The following UBE2W variants were observed in gnomAD, a reference collection of about 807,000 sequenced individuals.
The protein encoded by UBE2W is ubiquitin conjugating enzyme E2 W, also known as ubiquitin-conjugating enzyme E2 W.
In UBE2W, 18 loss-of-function variants were observed where a neutral mutation model predicts 27.2. The observed-to-expected ratio is 0.66, with a 90% CI of 0.46 to 0.98. The LOEUF is 0.98. Among genes scored for constraint, UBE2W ranks in the 50% least tolerant of loss-of-function variants. UBE2W has a pLI of 0.00. For synonymous variants in UBE2W, 53 were observed against 57.2 expected (o/e 0.93, Z 0.33); for missense variants, 90 against 180.2 (o/e 0.50, Z 2.87).
At chr8:73,820,002 TG>T (rs1187964803) in intron 3 of UBE2W, among the ~76,000 whole-genome samples, 2 of 152,200 alleles carry the variant, frequency 1.3e-5, no homozygotes, top group Admixed American at 1.3e-4. Context: ...TTATTAGAGA[TG>T]GGGTTGCCCT....
At chr8:73,812,094 C>A (rs1165964603) in intron 3 of UBE2W, among the ~76,000 whole-genome samples, 2 of 151,882 alleles carry the variant, frequency 1.3e-5, no homozygotes, top group African/African-American at 4.8e-5. Context: ...ATATGGGACA[C>A]ATTTCCTTGG....
intron 4 of UBE2W, among the ~76,000 whole-genome samples, chr8:73,808,659 G>A (rs1210505984): frequency 2.6e-5 from 4 of 152,158 alleles, no homozygotes; most frequent in African/African-American, 9.7e-5. Flanking sequence ...GCACATACTA[G>A]GTACCTAGTA....
At chr8:73,865,571 T>G (rs1811719266) in intron 1 of UBE2W, among the ~76,000 whole-genome samples, 1 of 152,224 alleles carries the variant, frequency 6.6e-6, no homozygotes, top group East Asian at 1.9e-4. Flanking sequence ...GTGACGGCAC[T>G]ACTGCATACC....
chr8:73,840,356 A>G lies in UBE2W; in HGVS notation c.16-9884T>C, dbSNP rs145065633. ...CAAGCATGAGACACCACATCCAGCC[A>G]AAGCTCATTCATTTCTAAATTAGTC... On this transcript the variant is annotated intron_variant, in intron 1 of 5. Coordinates refer to ENST00000602593, the MANE Select transcript of UBE2W (RefSeq NM_018299.6). Among the ~76,000 whole-genome samples, 167 of 152,312 alleles carry G rather than the reference A, an allele frequency of 1.1e-3. 1 individual carries two copies. Among genetic ancestry groups the G allele is most frequent in the African/African-American group, 3.7e-3 (154 of 41,586 alleles).
chr8:73,850,656 T>C (rs6989720), intron 1 of UBE2W, among the ~76,000 whole-genome samples: 16,753 of 140,576 alleles, frequency 0.12, 3,096 homozygotes, highest in African/African-American at 0.4. Flanking sequence ...AATAAAGGAT[T>C]ACAAACATAA....
At chr8:73,845,038 A>G (rs200305099) in intron 1 of UBE2W, among the ~76,000 whole-genome samples, 1,202 of 15,502 alleles carry the variant, frequency 0.078, 23 homozygotes, top group African/African-American at 0.16. Context: ...CCGGCCAGCC[A>G]CCCCATCCGG....
At chr8:73,832,003 G>A (rs1275799509) in intron 1 of UBE2W, 1 of 151,894 alleles carries the variant, frequency 6.6e-6, no homozygotes, top group African/African-American at 2.4e-5. Context: ...ACGTGTGGTG[G>A]CTCATGAATA....
chr8:73,823,286 A>G (rs142919861), intron 3 of UBE2W, among the ~76,000 whole-genome samples: 34 of 152,360 alleles, frequency 2.2e-4, no homozygotes, highest in African/African-American at 7.9e-4. Context: ...AATTCAACAT[A>G]ATGTTTAAGT....
chr8:73,832,186 A>G (rs925104205), intron 1 of UBE2W, among the ~76,000 whole-genome samples: 8 of 151,434 alleles, frequency 5.3e-5, no homozygotes, highest in Non-Finnish European at 1.0e-4. Context: ...CTGTACTCCC[A>G]GGTACTTCAG....
chr8:73,801,394 T>C (rs548258052), intron 5 of UBE2W, among the ~76,000 whole-genome samples: 1 of 152,320 alleles, frequency 6.6e-6, no homozygotes, highest in South Asian at 2.1e-4. Context: ...AGGGTTGTAC[T>C]TTAAAAAATG....
intron 5 of UBE2W, among the ~76,000 whole-genome samples, chr8:73,799,782 CT>C (rs1808562480): frequency 6.6e-6 from 1 of 152,126 alleles, no homozygotes; most frequent in African/African-American, 2.4e-5. Context: ...TCTTAGTAAG[CT>C]TTTGTTCAGT....
At chr8:73,869,894 G>A (rs1811929295) in intron 1 of UBE2W, among the ~76,000 whole-genome samples, 1 of 152,038 alleles carries the variant, frequency 6.6e-6, no homozygotes, top group South Asian at 2.1e-4. Context: ...AGTGAAAGAA[G>A]CCAGGCACAA....
intron 3 of UBE2W, among the ~76,000 whole-genome samples, chr8:73,820,753 AAAC>A (rs921346831): frequency 0.048 from 52 of 1,090 alleles, 1 homozygote; most frequent in East Asian, 0.43. Flanking sequence ...AAAAAATAAA[AAAC>A]AAACAAACAA....
intron 3 of UBE2W, among the ~76,000 whole-genome samples, chr8:73,818,339 C>T (rs1809476169): frequency 2.0e-5 from 3 of 152,180 alleles, no homozygotes; most frequent in Admixed American, 2.0e-4. Flanking sequence ...TGCAAGTCAC[C>T]ATCATCTCTC....
chr8:73,855,394 C>CT (rs66577299), intron 1 of UBE2W, among the ~76,000 whole-genome samples: 2,169 of 84,642 alleles, frequency 0.026, 68 homozygotes, highest in East Asian at 0.041. Flanking sequence ...ATTCTACTTT[C>CT]TTTTTTTTTT....
chr8:73,793,863 G>C lies in UBE2W; in HGVS notation c.*239C>G, dbSNP rs768472897. On this transcript the variant is annotated 3_prime_UTR_variant, in exon 6 of 6. Coordinates refer to ENST00000602593, the MANE Select transcript of UBE2W (RefSeq NM_018299.6). ...AAAAATAAAAAATGGAATTATATTT[G>C]ACATTTCCTGACACCTGCATTAATA... 85 of 1,245,408 alleles carry C rather than the reference G, an allele frequency of 6.8e-5. No individual in the cohort carries two copies. Among genetic ancestry groups the C allele is most frequent in the Non-Finnish European group, 8.4e-5 (83 of 987,582 alleles). The allele number at this position is 1,245,408 out of a possible 1,614,324, so 77.1% of individuals were successfully genotyped here.
chr8:73,806,718 AAACAG>A (rs916169286), intron 4 of UBE2W, among the ~76,000 whole-genome samples: 6 of 152,154 alleles, frequency 3.9e-5, no homozygotes, highest in African/African-American at 1.4e-4. Flanking sequence ...TCTCAAAACA[AAACAG>A]AAAAGTCTAC....
At chr8:73,811,952 T>C (rs1235784161) in intron 3 of UBE2W, among the ~76,000 whole-genome samples, 1 of 152,108 alleles carries the variant, frequency 6.6e-6, no homozygotes. Context: ...AGCTAAGTTT[T>C]ATATATATTT....
downstream of UBE2W, among the ~76,000 whole-genome samples, chr8:73,781,619 G>GTTTTTTTTTTTTTTTTTTT (rs112691687): frequency 7.1e-6 from 1 of 140,880 alleles, no homozygotes; most frequent in Non-Finnish European, 1.5e-5. Context: ...TCAGGTTTGG[G>GTTTTTTTTTTTTTTTTTTT]TTTTTTTTTT....
Sources: allele counts gnomAD v4.1 joint callset (sites outside exome capture counted in the v4.1 genomes callset), GRCh38; gene constraint gnomAD v4.1.1; transcripts MANE v1.5; gene names NCBI Gene and HGNC (gene_info 2026-07-23, HGNC 2026-07-21).